Variants in UNC5C observed in about 807,000 individuals in gnomAD.
UNC5C encodes unc-5 netrin receptor C, also known as netrin receptor UNC5C.
UNC5C carries 47 observed loss-of-function variants against 99.8 expected under a neutral mutation model. The observed-to-expected ratio is 0.47, with a 90% CI of 0.37 to 0.60. UNC5C has a LOEUF of 0.60. Among genes scored for constraint, UNC5C ranks in the 20% least tolerant of loss-of-function variants. The pLI is 0.00. For missense variants in UNC5C, 1,062 were observed against 1,165.9 expected (o/e 0.91, Z 1.30); for synonymous variants, 487 against 452.2 (o/e 1.08, Z -0.98).
In UNC5C at chr4:95,182,401, T is replaced by C. The variant is rs553607923; in HGVS notation, c.2451+496A>G. The stretch of plus-strand genomic sequence containing the variant: ...ATCAAGAGATTTCTCCTTTCTTCCT[T>C]TGAATGGAGAAGAAGAAAAAGGGAG... On this transcript the variant is annotated intron_variant, in intron 14 of 15. Transcript: ENST00000453304. Among the ~76,000 whole-genome samples the C allele has an allele frequency of 5.3e-5, 8 of 152,184 alleles. No homozygotes were observed. The South Asian group carries it at 1.7e-3, about 32-fold the overall frequency.
At chr4:95,488,936 T>G (rs937958452) in intron 1 of UNC5C, among the ~76,000 whole-genome samples, 1 of 151,738 alleles carries the variant, frequency 6.6e-6, no homozygotes, top group African/African-American at 2.4e-5. Flanking sequence ...AATAAGAATT[T>G]GACTAAACCA....
Position 95,169,195 on chromosome 4 carries a change from G to A in UNC5C, c.*39C>T. 4 of 1,609,426 alleles carry A rather than the reference G, an allele frequency of 2.5e-6. No homozygotes were observed. The highest frequency in any genetic ancestry group is 1.3e-5 in the African/African-American group (1 of 74,950). ...TCACCTGGACGGCCACAGACTCCCT[G>A]TGCATTTTTGTCCTTCATTTCCCCT... is the stretch of plus-strand genomic sequence containing the variant. On this transcript the variant is annotated 3_prime_UTR_variant, in exon 16 of 16. Coordinates refer to ENST00000453304, the MANE Select transcript of UNC5C (RefSeq NM_003728.4).
At chr4:95,233,795 TAG>T (rs1365521448) in intron 7 of UNC5C, among the ~76,000 whole-genome samples, 3 of 151,866 alleles carry the variant, frequency 2.0e-5, no homozygotes, top group African/African-American at 7.3e-5. Flanking sequence ...ATTAGGTGGG[TAG>T]GGTGGCGAAT....
At chr4:95,193,203 A>G (rs2149356127) in intron 12 of UNC5C, among the ~76,000 whole-genome samples, 1 of 152,346 alleles carries the variant, frequency 6.6e-6, no homozygotes, top group African/African-American at 2.4e-5. Flanking sequence ...GAGGCCAGGC[A>G]TCAGCAGCAG....
intron 1 of UNC5C, among the ~76,000 whole-genome samples, chr4:95,547,310 T>A (rs1156847967): frequency 6.6e-6 from 1 of 151,974 alleles, no homozygotes; most frequent in Non-Finnish European, 1.5e-5. Context: ...CTATCGCTAA[T>A]TCACAAAGCC....
chr4:95,187,665 G>C (rs1736889356), intron 12 of UNC5C, among the ~76,000 whole-genome samples: 1 of 152,192 alleles, frequency 6.6e-6, no homozygotes, highest in Non-Finnish European at 1.5e-5. Flanking sequence ...AAAAGTCATG[G>C]TGAAGAATTC....
intron 1 of UNC5C, among the ~76,000 whole-genome samples, chr4:95,438,327 A>G (rs912556507): frequency 5.9e-5 from 9 of 152,090 alleles, no homozygotes; most frequent in African/African-American, 2.2e-4. Context: ...CCACATATCA[A>G]TATTTATCAG....
intron 1 of UNC5C, among the ~76,000 whole-genome samples, chr4:95,429,383 C>A (rs528165981): frequency 1.6e-3 from 243 of 151,684 alleles, no homozygotes; most frequent in African/African-American, 5.4e-3. Context: ...ATTAAGTACA[C>A]TTTTTCTTGC....
At chr4:95,366,868 T>C (rs970173993) in intron 1 of UNC5C, among the ~76,000 whole-genome samples, 5 of 152,232 alleles carry the variant, frequency 3.3e-5, no homozygotes, top group African/African-American at 1.2e-4. Context: ...AAAACTTTTC[T>C]GTTTTTGCCC....
intron 12 of UNC5C, among the ~76,000 whole-genome samples, chr4:95,195,118 T>TA (rs1370930372): frequency 6.6e-6 from 1 of 152,234 alleles, no homozygotes; most frequent in Non-Finnish European, 1.5e-5. Flanking sequence ...AATGCCCACA[T>TA]ACGCATGGCA....
chr4:95,244,845 CAG>C (rs1739442751), intron 6 of UNC5C, 130 bp downstream of exon 6: 1 of 1,226,544 alleles, frequency 8.2e-7, no homozygotes, highest in African/African-American at 1.5e-5. Flanking sequence ...GCAATGTAAA[CAG>C]TGAGTAGGAT....
Position 95,177,166 on chromosome 4 carries a change from C to T in UNC5C, c.2451+5731G>A, listed in dbSNP as rs1189501119. On this transcript the variant is annotated intron_variant, in intron 14 of 15. Transcript: ENST00000453304. ...CTGGCACTCCCTAGTGAGATGAACC[C>T]GGTACCTCAGATGGAAATGCAGAAA... 5.9e-5 allele frequency among the ~76,000 whole-genome samples: 9 copies of T among 152,334 alleles called. No homozygotes were observed. In the East Asian group the frequency reaches 7.7e-4, roughly 13 times the overall value.
intron 3 of UNC5C, among the ~76,000 whole-genome samples, chr4:95,292,874 T>C (rs1165814891): frequency 6.6e-6 from 1 of 152,228 alleles, no homozygotes; most frequent in Non-Finnish European, 1.5e-5. Flanking sequence ...GGACGTCTTC[T>C]AGGCACTGGA....
chr4:95,306,141 G>A (rs1742052560), intron 2 of UNC5C, among the ~76,000 whole-genome samples: 1 of 152,118 alleles, frequency 6.6e-6, no homozygotes, highest in South Asian at 2.1e-4. Context: ...TTGCAGAAAT[G>A]TAAGGATGAA....
chr4:95,312,095 A>C (rs6841613), intron 2 of UNC5C, among the ~76,000 whole-genome samples: 90,740 of 151,752 alleles, frequency 0.6, 27,766 homozygotes, highest in East Asian at 0.84. Flanking sequence ...AACAAAAAAA[A>C]CCCCAAAACC....
rs549169590 is a variant in UNC5C at position 95,206,485 on chromosome 4, G to A, written c.1902+143C>T. On this transcript the variant is annotated intron_variant, in intron 11 of 15. Coordinates refer to ENST00000453304, the MANE Select transcript of UNC5C (RefSeq NM_003728.4). ...AGATATAACACTCAGGAACTAGTCT[G>A]CCTGCCTGTTTCTCTCTCATTTTGA... The A allele has an allele frequency of 4.3e-6, 5 of 1,168,390 alleles. No individual in the cohort carries two copies. The East Asian group carries it at 1.2e-4, about 29-fold the overall frequency. The allele number at this position is 1,168,390 out of a possible 1,614,324, so 72.4% of individuals were successfully genotyped here. A position where few individuals can be genotyped will look rare whatever the true frequency, so the allele number is the denominator to read the frequency against.
intron 1 of UNC5C, among the ~76,000 whole-genome samples, chr4:95,508,213 A>G (rs1353235764): frequency 6.6e-6 from 1 of 152,004 alleles, no homozygotes; most frequent in Admixed American, 6.6e-5. Context: ...CAGCTCCAAC[A>G]TCCACTAGGC....
intron 12 of UNC5C, among the ~76,000 whole-genome samples, chr4:95,191,879 A>C (rs1362220791): frequency 0.022 from 497 of 22,736 alleles, no homozygotes; most frequent in Admixed American, 0.041. Context: ...CTCCCCACTC[A>C]CCCTCCTCCC....
chr4:95,387,329 G>A (rs987342311), intron 1 of UNC5C, among the ~76,000 whole-genome samples: 2 of 152,040 alleles, frequency 1.3e-5, no homozygotes, highest in African/African-American at 2.4e-5. Context: ...TGTAGAGATG[G>A]GGGCCTCACT....
Sources: allele counts gnomAD v4.1 joint callset (sites outside exome capture counted in the v4.1 genomes callset), GRCh38; gene constraint gnomAD v4.1.1; transcripts MANE v1.5; gene names NCBI Gene and HGNC (gene_info 2026-07-23, HGNC 2026-07-21).